SLC16A7: variants seen among roughly 807,000 people sequenced by gnomAD.
SLC16A7 encodes the protein solute carrier family 16 member 7.
A neutral mutation model predicts 34.9 loss-of-function variants in SLC16A7; 33 were observed. The observed-to-expected ratio is 0.94, with a 90% CI of 0.72 to 1.26. SLC16A7 has a LOEUF of 1.26. SLC16A7 is among the 50% of genes most tolerant of loss of function. The pLI is 0.00. For synonymous variants in SLC16A7, 201 were observed against 206.6 expected (o/e 0.97, Z 0.23); for missense variants, 573 against 578.1 (o/e 0.99, Z 0.09).
intron 3 of SLC16A7, among the ~76,000 whole-genome samples, chr12:59,757,568 A>G (rs1185160290): frequency 6.6e-6 from 1 of 152,178 alleles, no homozygotes; most frequent in Non-Finnish European, 1.5e-5. Flanking sequence ...AGTCCTCTAT[A>G]GAAACATTTT....
chr12:59,666,582 T>C (rs1565637675), intron 2 of SLC16A7, among the ~76,000 whole-genome samples: 1 of 152,130 alleles, frequency 6.6e-6, no homozygotes, highest in Non-Finnish European at 1.5e-5. Flanking sequence ...ATTCTTGTGA[T>C]AGTGAGTAAG....
chr12:59,664,905 T>C (rs1280774718), intron 2 of SLC16A7: 1 of 152,166 alleles, frequency 6.6e-6, no homozygotes, highest in African/African-American at 2.4e-5. Context: ...GCCCTGAGCC[T>C]GGAGAAAAGT....
rs1161788220 is a variant in SLC16A7, at chr12:59,786,692, C to T, written c.*7013C>T. 1 of 151,898 alleles carries T rather than the reference C, an allele frequency of 6.6e-6. No individual in the cohort carries two copies. Among genetic ancestry groups the T allele is most frequent in the Non-Finnish European group, 1.5e-5 (1 of 67,950 alleles). The allele number at this position is 151,898 out of a possible 1,614,324, so 9.4% of individuals were successfully genotyped here. On this transcript the variant is annotated 3_prime_UTR_variant, in exon 6 of 6. Transcript: ENST00000547379. ...TTTTGATAGGTATCCACATTTTTAC[C>T]ATATAAAACTAGACTGGATTAAGGA...
intron 3 of SLC16A7, among the ~76,000 whole-genome samples, chr12:59,744,842 A>G (rs1878720040): frequency 6.6e-6 from 1 of 151,966 alleles, no homozygotes; most frequent in Non-Finnish European, 1.5e-5. Context: ...TCCTGTACCC[A>G]CTCATCTGTG....
At chr12:59,675,683 C>A (rs1870249167) in intron 2 of SLC16A7, among the ~76,000 whole-genome samples, 1 of 151,994 alleles carries the variant, frequency 6.6e-6, no homozygotes, top group African/African-American at 2.4e-5. Flanking sequence ...GTGCCACAGT[C>A]TGAATAAATA....
chr12:59,764,090 T>C (rs1381323906), intron 3 of SLC16A7: 1 of 152,186 alleles, frequency 6.6e-6, no homozygotes, highest in Non-Finnish European at 1.5e-5. Flanking sequence ...ATGATTCACC[T>C]TAATGAGAAA....
At chr12:59,611,895 G>T (rs1227065996) in intron 1 of SLC16A7, among the ~76,000 whole-genome samples, 2 of 152,186 alleles carry the variant, frequency 1.3e-5, no homozygotes, top group Non-Finnish European at 2.9e-5. Flanking sequence ...GTCACATATG[G>T]CCTTGGGCAG....
chr12:59,682,937 G>C (rs1437208946), intron 2 of SLC16A7, among the ~76,000 whole-genome samples: 3 of 151,958 alleles, frequency 2.0e-5, no homozygotes, highest in Admixed American at 1.3e-4. Context: ...GTGGTGGTGG[G>C]TGCCTGTAAT....
intron 3 of SLC16A7, among the ~76,000 whole-genome samples, chr12:59,760,884 C>T (rs188693743): frequency 2.4e-4 from 37 of 152,160 alleles, no homozygotes; most frequent in African/African-American, 8.4e-4. Context: ...GAAAGTGAAA[C>T]CTTGGGTAAG....
At chr12:59,771,405 T>C (rs753741540) in intron 4 of SLC16A7, 43 bp downstream of exon 4, 2 of 1,367,944 alleles carry the variant, frequency 1.5e-6, no homozygotes, top group Non-Finnish European at 2.0e-6. Context: ...TCTTCTGTTA[T>C]TTTCAAAGCT....
At chr12:59,710,034 A>G (rs1874044611) in intron 3 of SLC16A7, among the ~76,000 whole-genome samples, 1 of 151,742 alleles carries the variant, frequency 6.6e-6, no homozygotes, top group South Asian at 2.1e-4. Flanking sequence ...TAACAACAAT[A>G]TAAGTTATAT....
chr12:59,755,325 G>A (rs1219122565), intron 3 of SLC16A7, among the ~76,000 whole-genome samples: 1 of 152,188 alleles, frequency 6.6e-6, no homozygotes. Context: ...GTCCCTGTTT[G>A]CAAATGACAT....
intron 3 of SLC16A7, among the ~76,000 whole-genome samples, chr12:59,705,863 A>T (rs546184421): frequency 6.6e-6 from 1 of 152,130 alleles, no homozygotes; most frequent in Non-Finnish European, 1.5e-5. Context: ...TATATCAATT[A>T]TCTTCTGTGA....
intron 3 of SLC16A7, among the ~76,000 whole-genome samples, chr12:59,712,290 A>C (rs972349313): frequency 6.6e-6 from 1 of 152,232 alleles, no homozygotes; most frequent in African/African-American, 2.4e-5. Flanking sequence ...ACATTTAAAA[A>C]CGACTGGAAA....
At chr12:59,774,146 A>G (rs1054654208) in intron 4 of SLC16A7, among the ~76,000 whole-genome samples, 1 of 152,198 alleles carries the variant, frequency 6.6e-6, no homozygotes, top group East Asian at 1.9e-4. Context: ...TTTGCATAGT[A>G]TTGAAACAAA....
intron 1 of SLC16A7, among the ~76,000 whole-genome samples, chr12:59,620,249 T>C (rs2136979781): frequency 6.6e-6 from 1 of 151,998 alleles, no homozygotes; most frequent in East Asian, 1.9e-4. Flanking sequence ...TGTTTTGCCA[T>C]AGTGAAGAAC....
At chr12:59,607,151 T>G (rs571819210) in intron 1 of SLC16A7, among the ~76,000 whole-genome samples, 1 of 151,978 alleles carries the variant, frequency 6.6e-6, no homozygotes, top group Admixed American at 6.5e-5. Flanking sequence ...CTATCGCACT[T>G]TAGAGAAAAA....
chr12:59,627,381 T>C (rs1879975505), intron 1 of SLC16A7, among the ~76,000 whole-genome samples: 1 of 151,938 alleles, frequency 6.6e-6, no homozygotes, highest in Admixed American at 6.6e-5. Flanking sequence ...CATCAATTTC[T>C]TATGTAAATA....
chr12:59,676,304 T>C (rs1870309212), intron 2 of SLC16A7, among the ~76,000 whole-genome samples: 1 of 152,198 alleles, frequency 6.6e-6, no homozygotes, highest in Admixed American at 6.5e-5. Flanking sequence ...AAATTTTGTA[T>C]TGAATATATG....
Sources: allele counts gnomAD v4.1 joint callset (sites outside exome capture counted in the v4.1 genomes callset), GRCh38; gene constraint gnomAD v4.1.1; transcripts MANE v1.5; gene names NCBI Gene and HGNC (gene_info 2026-07-23, HGNC 2026-07-21).